Variants in RPL3L observed in about 807,000 individuals in gnomAD.
The protein encoded by RPL3L is ribosomal protein L3 like, also known as ribosomal protein uL3-like.
RPL3L carries 44 observed loss-of-function variants against 44.5 expected under a neutral mutation model. That is an observed-to-expected ratio of 0.99 (90% confidence interval 0.78 to 1.27). The LOEUF is 1.27. Ranked by LOEUF, RPL3L falls within the 50% of genes most tolerant of loss-of-function variation. The pLI is 0.00. For missense variants in RPL3L, 631 were observed against 569.1 expected (o/e 1.11, Z -1.11); for synonymous variants, 292 against 230.7 (o/e 1.27, Z -2.41).
At chr16:1,949,972 G>A (rs1211828286) in intron 4 of RPL3L, among the ~76,000 whole-genome samples, 1 of 106,286 alleles carries the variant, frequency 9.4e-6, no homozygotes, top group Non-Finnish European at 1.9e-5. Context: ...GGCAGGTATG[G>A]ACGGGGCAGG....
chr16:1,946,273 C>A (rs1424526888), intron 7 of RPL3L, among the ~76,000 whole-genome samples: 1 of 152,220 alleles, frequency 6.6e-6, no homozygotes, highest in Non-Finnish European at 1.5e-5. Context: ...GTAGGAGCTG[C>A]CGCACTCCAC....
chr16:1,946,489 C>T (rs917826565), intron 7 of RPL3L, 136 bp downstream of exon 7: 6 of 885,288 alleles, frequency 6.8e-6, no homozygotes, highest in Admixed American at 2.4e-5. Context: ...AATCTTGAGC[C>T]CTTGGGGCAG....
chr16:1,952,433 G>A (rs752195265), intron 3 of RPL3L, among the ~76,000 whole-genome samples: 13 of 152,158 alleles, frequency 8.5e-5, no homozygotes, highest in Non-Finnish European at 1.9e-4. Context: ...CTGCAGTGCA[G>A]TGGCACGATC....
chr16:1,947,435 G>A lies in RPL3L; in HGVS notation c.502-55C>T, dbSNP rs2083132665. 4 of 1,467,098 alleles carry A rather than the reference G, an allele frequency of 2.7e-6. No homozygotes were observed. In the Admixed American group the frequency reaches 7.4e-5, roughly 27 times the overall value. The allele number at this position is 1,467,098 out of a possible 1,614,324, so 90.9% of individuals were successfully genotyped here. On this transcript the variant is annotated intron_variant, in intron 4 of 9. Transcript: ENST00000268661. ...GGCCCACGGGATCACACCCCCACCT[G>A]AAACATGGCATGGCCAGCAGTGACC... is the stretch of plus-strand genomic sequence containing the variant.
At chr16:1,951,756 T>A (rs1211226570) in intron 3 of RPL3L, among the ~76,000 whole-genome samples, 4 of 147,636 alleles carry the variant, frequency 2.7e-5, no homozygotes, top group African/African-American at 9.9e-5. Flanking sequence ...TTATTATTAT[T>A]ATTATTATTA....
chr16:1,954,563 C>T (rs1436107721), intron 1 of RPL3L, 66 bp downstream of exon 1: 2 of 1,496,740 alleles, frequency 1.3e-6, no homozygotes, highest in African/African-American at 1.4e-5. Context: ...TCCAGAAGCC[C>T]AGCTGTCCCA....
Position 1,945,485 on chromosome 16 carries a change from G to C in RPL3L, c.1167+14C>G. On this transcript the variant is annotated intron_variant, in intron 9 of 9. Coordinates refer to ENST00000268661, the MANE Select transcript of RPL3L (RefSeq NM_005061.3). ...AGCCCCAGAGAAGAACAAGGATGGG[G>C]GCGGTGAGCTCACCATGAAGGCCCT... 6.2e-7 allele frequency: 1 copy of C among 1,603,366 alleles called. No individual in the cohort carries two copies. Among genetic ancestry groups the C allele is most frequent in the East Asian group, 2.2e-5 (1 of 44,480 alleles).
At position 1,944,882 on chromosome 16, in the gene RPL3L, CT is replaced by C; in HGVS notation, c.1178del (p.Lys393ArgfsTer24). On this transcript the variant is annotated frameshift_variant, in exon 10 of 10. Coordinates refer to ENST00000268661, the MANE Select transcript of RPL3L (RefSeq NM_005061.3). LOFTEE classifies it high-confidence loss of function. The stretch of plus-strand genomic sequence containing the variant: ...CCGGCGTTTCCTTCTCCAGATGCTT[CT>C]TTTGGGGGCCCTGGTTGAGAGGGTG... Reference protein sequence around the residue: ...QEKRAFMGPQKKHLEKETPET... With the variant: ...QEKRAFMGPQXKHLEKETPET... 1 of 1,613,988 alleles carries C rather than the reference CT, an allele frequency of 6.2e-7. No homozygotes were observed. The highest frequency in any genetic ancestry group is 1.1e-5 in the South Asian group (1 of 91,074).
chr16:1,952,316 C>T (rs528999785), intron 3 of RPL3L, among the ~76,000 whole-genome samples: 1 of 151,808 alleles, frequency 6.6e-6, no homozygotes, highest in African/African-American at 2.4e-5. Flanking sequence ...ATATTTGTTT[C>T]CTCTTTTTCC....
chr16:1,951,049 A>G, intron 3 of RPL3L, 70 bp from the exon 4 acceptor site: 1 of 1,559,008 alleles, frequency 6.4e-7, no homozygotes, highest in Non-Finnish European at 8.6e-7. Context: ...TCCTGCCCCC[A>G]CCTCACCCCC....
In RPL3L at chr16:1,947,086, C is replaced by A. The variant is rs201191762; in HGVS notation, c.701G>T (p.Arg234Leu). 115 of 1,613,446 alleles carry A rather than the reference C, an allele frequency of 7.1e-5. No individual in the cohort carries two copies. The highest frequency in any genetic ancestry group is 8.3e-5 in the Non-Finnish European group (98 of 1,179,978). ...KGRGVKGVTS[R>L]WHTKKLPRKT... ...CCGCGGCAGCTTCTTGGTATGCCAGCGGCTTGTGACCCCTGTGAGTGAGAG... is the reference window on the plus strand; with the variant it reads ...CCGCGGCAGCTTCTTGGTATGCCAGAGGCTTGTGACCCCTGTGAGTGAGAG... The change falls in exon 6 of 10, where the codon CGC (arginine) becomes CTC (leucine). Residue 234 changes from arginine to leucine, a missense_variant. Coordinates refer to ENST00000268661, the MANE Select transcript of RPL3L (RefSeq NM_005061.3).
intron 6 of RPL3L, 75 bp downstream of exon 6, chr16:1,946,863 C>T (rs538119619): frequency 1.3e-6 from 2 of 1,560,184 alleles, no homozygotes; most frequent in Middle Eastern, 2.3e-4. Flanking sequence ...GGGTCATGCA[C>T]CCCACCCACT....
chr16:1,952,536 A>G (rs2083177533), intron 3 of RPL3L, among the ~76,000 whole-genome samples: 1 of 151,260 alleles, frequency 6.6e-6, no homozygotes, highest in Non-Finnish European at 1.5e-5. Flanking sequence ...CACCCCAGCC[A>G]GCTAATTTTT....
Position 1,950,094 on chromosome 16 carries a change from G to C in RPL3L, c.501+750C>G, listed in dbSNP as rs958961404. Among the ~76,000 whole-genome samples, 56 of 114,134 alleles carry C rather than the reference G, an allele frequency of 4.9e-4. 1 individual carries two copies. The highest frequency in any genetic ancestry group is 1.8e-3 in the African/African-American group (54 of 29,472). 74.9% of individuals were successfully genotyped at this position (114,134 alleles called of 152,430 possible). ...CAGGTATGGACGGGGCAGGTATGTA[G>C]GGGGCAGGTATGGACGGGGCAGGTA... is the stretch of plus-strand genomic sequence containing the variant. On this transcript the variant is annotated intron_variant, in intron 4 of 9. Transcript: ENST00000268661.
At chr16:1,954,454 G>A (rs1016782780) in intron 1 of RPL3L, among the ~76,000 whole-genome samples, 175 bp downstream of exon 1, 17 of 152,070 alleles carry the variant, frequency 1.1e-4, no homozygotes, top group African/African-American at 4.1e-4. Flanking sequence ...TTCATCTCCA[G>A]GGCCCTCCCA....
In RPL3L at chr16:1,953,054, A is replaced by G. The variant is rs754131260; in HGVS notation, c.197-12T>C. 2.5e-6 allele frequency: 4 copies of G among 1,583,104 alleles called. No homozygotes were observed. The South Asian group carries it at 3.5e-5, about 14-fold the overall frequency. ...CCGTTTGGAAATTTCTGGATGAGAC[A>G]CAGGGATGGGGCATGAAGGGGGACC... On this transcript the variant is annotated splice_polypyrimidine_tract_variant and intron_variant, in intron 2 of 9. Coordinates refer to ENST00000268661, the MANE Select transcript of RPL3L (RefSeq NM_005061.3).
At position 1,950,972 on chromosome 16, in the gene RPL3L, T is replaced by C. The variant is rs760790279; in HGVS notation, c.373A>G (p.Ser125Gly). 9 of 1,613,826 alleles carry C rather than the reference T, an allele frequency of 5.6e-6. No homozygotes were observed. Among genetic ancestry groups the C allele is most frequent in the Non-Finnish European group, 7.6e-6 (9 of 1,179,932 alleles). ...GCCTTGGTGAAGGCTTTCTTCTTGC[T>C]CTTGTGCCTGAGCCATGCACAGGAG... ...RRRFYKDWHK[S>G]KKKAFTKACK... Residue 125 changes from serine to glycine, a missense_variant, in exon 4 of 10, where the codon AGC becomes GGC. Ser to Gly is a moderately conservative substitution (Grantham distance 56, BLOSUM62 0). Transcript: ENST00000268661.
chr16:1,948,228 C>T lies in RPL3L; in HGVS notation c.502-848G>A, dbSNP rs375544449. Among the ~76,000 whole-genome samples the T allele has an allele frequency of 1.7e-4, 25 of 150,546 alleles. No individual in the cohort carries two copies. The East Asian group carries it at 2.4e-3, about 14-fold the overall frequency. The stretch of plus-strand genomic sequence containing the variant: ...CTGGGATTACAGGCGTGAGCCACCA[C>T]GCCCGGCCTTTTTTTAATGGAGTCT... On this transcript the variant is annotated intron_variant, in intron 4 of 9. Coordinates refer to ENST00000268661, the MANE Select transcript of RPL3L (RefSeq NM_005061.3).
chr16:1,948,137 C>A (rs926854581), intron 4 of RPL3L, among the ~76,000 whole-genome samples: 5 of 151,900 alleles, frequency 3.3e-5, no homozygotes, highest in Non-Finnish European at 7.4e-5. Flanking sequence ...CAGGGTTTCA[C>A]TGTGTTGGCC....
Sources: allele counts gnomAD v4.1 joint callset (sites outside exome capture counted in the v4.1 genomes callset), GRCh38; gene constraint gnomAD v4.1.1; transcripts MANE v1.5; gene names NCBI Gene and HGNC (gene_info 2026-07-23, HGNC 2026-07-21).